ALDH1L2: variants seen among roughly 807,000 people sequenced by gnomAD.
ALDH1L2 encodes the protein mitochondrial 10-formyltetrahydrofolate dehydrogenase.
Under a neutral mutation model 111.0 loss-of-function variants are expected in ALDH1L2, and 91 were observed. The ratio of observed to expected loss-of-function variants is 0.82; its 90% CI spans 0.69 to 0.98. The LOEUF is 0.98. ALDH1L2 is among the 50% of genes least tolerant of loss of function. The pLI, the probability that ALDH1L2 is intolerant of heterozygous loss-of-function variation, is 0.00. For missense variants in ALDH1L2, 995 were observed against 1,126.8 expected, an observed-to-expected ratio of 0.88 and a Z score of 1.67; for synonymous variants, 374 against 392.6, an observed-to-expected ratio of 0.95 and a Z score of 0.56.
chr12:105,070,719 T>G lies in ALDH1L2; in HGVS notation c.279A>C (p.Glu93Asp), dbSNP rs1305815651. 3.1e-6 allele frequency: 5 copies of G among 1,614,204 alleles called. No homozygotes were observed. Among genetic ancestry groups the G allele is most frequent in the Non-Finnish European group, 4.2e-6 (5 of 1,180,038 alleles). Residue 93 changes from glutamate (E) to aspartate (D), a missense_variant, in exon 3 of 23, where the codon GAA becomes GAC. Glu to Asp is a conservative substitution (Grantham distance 45, BLOSUM62 2). Transcript: ENST00000258494. ...GCTCTGCACCCACGGATCTGTAGGCTTCTGCCACTTCTTTGATGGTCTTGC... is the reference window on the plus strand; with the variant it reads ...GCTCTGCACCCACGGATCTGTAGGCGTCTGCCACTTCTTTGATGGTCTTGC... The part of the protein sequence containing the change: ...VKGKTIKEVA[E>D]AYRSVGAELN...
At chr12:105,065,602 G>A (rs1408139668) in intron 5 of ALDH1L2, among the ~76,000 whole-genome samples, 1 of 152,222 alleles carries the variant, frequency 6.6e-6, no homozygotes, top group African/African-American at 2.4e-5. Context: ...AGATGAAGTA[G>A]AGCGGGCTGT....
chr12:105,081,503 G>C (rs542184163), intron 1 of ALDH1L2, among the ~76,000 whole-genome samples: 1 of 152,260 alleles, frequency 6.6e-6, no homozygotes, highest in Non-Finnish European at 1.5e-5. Context: ...TATAAACCCA[G>C]AGCTACCAGA....
chr12:105,049,916 T>C lies in ALDH1L2; in HGVS notation c.1678A>G (p.Lys560Glu). The change falls in exon 13 of 23, where the codon AAA becomes GAA. Residue 560 changes from lysine (K) to glutamate (E), a missense_variant. By Grantham distance (56) the Lys-to-Glu change is moderately conservative. Transcript: ENST00000258494. ...ATAATATTTGTGCTTACCTGAATTT[T>C]GTCGCACCAGCCAGCAAAATATCTG... ...TFRYFAGWCD[K>E]IQGSTIPINQ... The C allele has an allele frequency of 6.2e-7, 1 of 1,611,370 alleles. No individual in the cohort carries two copies. The highest frequency in any genetic ancestry group is 8.5e-7 in the Non-Finnish European group (1 of 1,178,750).
intron 1 of ALDH1L2, among the ~76,000 whole-genome samples, chr12:105,077,610 AG>A (rs1215110629): frequency 1.3e-5 from 2 of 152,102 alleles, no homozygotes; most frequent in East Asian, 3.9e-4. Flanking sequence ...TCTTCACTAG[AG>A]GAGACTTTTG....
chr12:105,032,041 A>T, intron 19 of ALDH1L2, 107 bp from the exon 20 acceptor site: 1 of 1,166,762 alleles, frequency 8.6e-7, no homozygotes, highest in Non-Finnish European at 1.2e-6. Context: ...ATTGTCATTT[A>T]GTCTTTACAA....
At chr12:105,080,578 T>G (rs776137519) in intron 1 of ALDH1L2, among the ~76,000 whole-genome samples, 2 of 152,214 alleles carry the variant, frequency 1.3e-5, no homozygotes, top group Non-Finnish European at 2.9e-5. Flanking sequence ...CTCAGTTTTC[T>G]TATCAGCAAA....
At chr12:105,079,439 A>C (rs1030957835) in intron 1 of ALDH1L2, among the ~76,000 whole-genome samples, 3 of 152,144 alleles carry the variant, frequency 2.0e-5, no homozygotes, top group Non-Finnish European at 1.5e-5. Context: ...AAAGGATAAA[A>C]TATTTTAAAA....
rs990466395 is a variant in ALDH1L2 at position 105,066,513 on chromosome 12, G to A, written c.696+55C>T. On this transcript the variant is annotated intron_variant, in intron 5 of 22. Coordinates refer to ENST00000258494, the MANE Select transcript of ALDH1L2 (RefSeq NM_001034173.4). ...AGATCATAGTATGTGGGGAACTACT[G>A]AAGGGTAGAGGGCCATGAACTCTGA... is the stretch of plus-strand genomic sequence containing the variant. The A allele has an allele frequency of 4.6e-6, 7 of 1,512,734 alleles. No homozygotes were observed. In the African/African-American group the frequency reaches 6.9e-5, roughly 15 times the overall value. The allele number at this position is 1,512,734 out of a possible 1,614,324, so 93.7% of individuals were successfully genotyped here.
intron 1 of ALDH1L2, among the ~76,000 whole-genome samples, chr12:105,075,299 T>C (rs1877982478): frequency 6.6e-6 from 1 of 152,330 alleles, no homozygotes; most frequent in East Asian, 1.9e-4. Flanking sequence ...AAAGAAGCCA[T>C]GTTGGCCGGG....
intron 1 of ALDH1L2, among the ~76,000 whole-genome samples, chr12:105,083,340 G>A (rs1044256969): frequency 6.2e-5 from 4 of 64,400 alleles, no homozygotes; most frequent in South Asian, 1.2e-3. Context: ...CCCACCCCTC[G>A]TTTTATAAAA....
intron 1 of ALDH1L2, among the ~76,000 whole-genome samples, chr12:105,082,815 C>T (rs2136119922): frequency 6.6e-6 from 1 of 152,266 alleles, no homozygotes; most frequent in Middle Eastern, 3.4e-3. Context: ...TTTATATTTC[C>T]ACCAGCCATG....
chr12:105,032,084 T>A, intron 19 of ALDH1L2, 150 bp from the exon 20 acceptor site: 1 of 794,620 alleles, frequency 1.3e-6, no homozygotes. Flanking sequence ...GTTTTTTTTT[T>A]TTTTTCCTTT....
At chr12:105,048,533 A>T (rs916299550) in intron 13 of ALDH1L2, 4 of 152,106 alleles carry the variant, frequency 2.6e-5, no homozygotes, top group Non-Finnish European at 1.5e-5. Context: ...GGTTGCAATG[A>T]CTGGTACTGC....
intron 6 of ALDH1L2, 141 bp downstream of exon 6, chr12:105,065,126 A>T: frequency 2.0e-6 from 1 of 490,510 alleles, no homozygotes; most frequent in Non-Finnish European, 3.8e-6. Flanking sequence ...TGCTTAATAC[A>T]TGCTGAGTAA....
At position 105,040,540 on chromosome 12, in the gene ALDH1L2, A is replaced by G. The variant is rs1875471017; in HGVS notation, c.1951+67T>C. 3.5e-6 allele frequency: 5 copies of G among 1,434,636 alleles called. No homozygotes were observed. The South Asian group carries it at 5.7e-5, about 16-fold the overall frequency. 88.9% of individuals were successfully genotyped at this position (1,434,636 alleles called of 1,614,324 possible). A position where few individuals can be genotyped will look rare whatever the true frequency, so the allele number is the denominator to read the frequency against. On this transcript the variant is annotated intron_variant, in intron 16 of 22. Coordinates refer to ENST00000258494, the MANE Select transcript of ALDH1L2 (RefSeq NM_001034173.4). The stretch of plus-strand genomic sequence containing the variant: ...AATTCAGGACAAGTCTCTAGAGGTA[A>G]AAGAGCCACTCAGCTACCCCAGTAC...
chr12:105,032,015 A>G, intron 19 of ALDH1L2, 81 bp from the exon 20 acceptor site: 1 of 1,441,544 alleles, frequency 6.9e-7, no homozygotes, highest in Admixed American at 2.0e-5. Flanking sequence ...TGTTATACTA[A>G]GGTGTTTATA....
chr12:105,048,712 T>C (rs1270766404), intron 13 of ALDH1L2: 1 of 152,220 alleles, frequency 6.6e-6, no homozygotes, highest in Non-Finnish European at 1.5e-5. Flanking sequence ...TATTCCTGTA[T>C]CTTTATCAAA....
intron 10 of ALDH1L2, among the ~76,000 whole-genome samples, chr12:105,053,251 G>A (rs4306351): frequency 0.014 from 2,201 of 152,304 alleles, 48 homozygotes; most frequent in African/African-American, 0.049. Context: ...TGGCAGCATT[G>A]GTGGAGCGCA....
chr12:105,047,006 T>C (rs758841124), intron 13 of ALDH1L2, 37 bp from the exon 14 acceptor site: 5 of 1,585,346 alleles, frequency 3.2e-6, no homozygotes, highest in Non-Finnish European at 4.3e-6. Context: ...ATTTTACTAA[T>C]TTAAATAAGT....
Sources: allele counts gnomAD v4.1 joint callset (sites outside exome capture counted in the v4.1 genomes callset), GRCh38; gene constraint gnomAD v4.1.1; transcripts MANE v1.5; gene names NCBI Gene and HGNC (gene_info 2026-07-23, HGNC 2026-07-21).